Variants in ALG14 observed in about 807,000 individuals in gnomAD.
ALG14 encodes the protein UDP-N-acetylglucosamine transferase subunit ALG14.
A neutral mutation model predicts 22.8 loss-of-function variants in ALG14; 17 were observed. That is an observed-to-expected ratio of 0.75 (90% CI 0.51 to 1.12). The LOEUF (loss-of-function observed/expected upper bound fraction) is 1.12, where lower values mean the gene tolerates loss of function less well. ALG14 is among the 50% of genes most tolerant of loss of function. The probability of loss-of-function intolerance (pLI) is 0.00; values close to 1 mark genes in which losing one functional copy is unlikely to be tolerated. For missense variants in ALG14, 288 were observed against 271.8 expected, an observed-to-expected ratio of 1.06 and a Z score of -0.42; for synonymous variants, 89 against 103.7, an observed-to-expected ratio of 0.86 and a Z score of 0.86.
intron 1 of ALG14, among the ~76,000 whole-genome samples, chr1:95,068,382 G>A (rs911849329): frequency 6.6e-6 from 1 of 152,114 alleles, no homozygotes; most frequent in Non-Finnish European, 1.5e-5. Flanking sequence ...TGCCTCCTGG[G>A]TTCAAGCGAT....
chr1:95,038,253 C>T (rs555726050), intron 2 of ALG14, among the ~76,000 whole-genome samples: 22 of 152,188 alleles, frequency 1.4e-4, no homozygotes, highest in Admixed American at 9.2e-4. Context: ...TTTGGGAGGC[C>T]GAGGTGTTTG....
At chr1:95,021,629 G>GA (rs1673665395) in intron 3 of ALG14, among the ~76,000 whole-genome samples, 1 of 152,136 alleles carries the variant, frequency 6.6e-6, no homozygotes, top group Non-Finnish European at 1.5e-5. Flanking sequence ...AATAAGCACT[G>GA]AAAGTCTGTG....
chr1:95,026,591 C>T (rs925056716), intron 3 of ALG14, among the ~76,000 whole-genome samples: 12 of 151,890 alleles, frequency 7.9e-5, no homozygotes, highest in African/African-American at 2.7e-4. Context: ...TATGTAAGCA[C>T]GATTCACACT....
At chr1:95,055,729 A>C (rs909635791) in intron 2 of ALG14, among the ~76,000 whole-genome samples, 1 of 149,238 alleles carries the variant, frequency 6.7e-6, no homozygotes, top group Non-Finnish European at 1.5e-5. Context: ...GTGGTGGCTC[A>C]CACCTGTAAT....
At chr1:95,028,437 G>T (rs1673893788) in intron 2 of ALG14, among the ~76,000 whole-genome samples, 1 of 152,130 alleles carries the variant, frequency 6.6e-6, no homozygotes, top group Non-Finnish European at 1.5e-5. Flanking sequence ...GGGCTCAAGT[G>T]ATCTACCCAC....
At chr1:95,003,943 T>A (rs772895953) in intron 3 of ALG14, among the ~76,000 whole-genome samples, 2 of 152,230 alleles carry the variant, frequency 1.3e-5, no homozygotes, top group Non-Finnish European at 2.9e-5. Context: ...TCATTCAAAG[T>A]CAGCTAGTAA....
At chr1:95,008,641 T>C (rs531667134) in intron 3 of ALG14, among the ~76,000 whole-genome samples, 1 of 152,246 alleles carries the variant, frequency 6.6e-6, no homozygotes, top group South Asian at 2.1e-4. Context: ...AGAGCTATGG[T>C]TGTATAAGGA....
chr1:95,072,833 TA>T lies in ALG14; in HGVS notation c.65del (p.Ile22AsnfsTer3). The T allele has an allele frequency of 6.2e-7, 1 of 1,614,032 alleles. No individual in the cohort carries two copies. Among genetic ancestry groups the T allele is most frequent in the Non-Finnish European group, 8.5e-7 (1 of 1,180,012 alleles). ...CGTCCATGGAACGAAGCACTACCCATATTCGCAGGATTAGGAAAACCGCCAC... is the reference window on the plus strand; with the variant it reads ...CGTCCATGGAACGAAGCACTACCCATTTCGCAGGATTAGGAAAACCGCCAC... ...GAVAVFLILR[I>X]WVVLRSMDVT... On this transcript the variant is annotated frameshift_variant, in exon 1 of 4. Coordinates refer to ENST00000370205, the MANE Select transcript of ALG14 (RefSeq NM_144988.4). LOFTEE classifies it high-confidence loss of function.
At chr1:95,055,440 A>G (rs1571662420) in intron 2 of ALG14, among the ~76,000 whole-genome samples, 1 of 152,248 alleles carries the variant, frequency 6.6e-6, no homozygotes, top group Non-Finnish European at 1.5e-5. Context: ...AAAACAATAC[A>G]AGACACTTAG....
chr1:94,989,335 G>A (rs1306854020), intron 3 of ALG14, among the ~76,000 whole-genome samples: 2 of 152,208 alleles, frequency 1.3e-5, no homozygotes, highest in African/African-American at 4.8e-5. Flanking sequence ...GATCAGGAAT[G>A]GACCATGTGG....
rs955691169 is a variant in ALG14, at chr1:94,982,988, T to C, written c.*88A>G. ...AATTCTCAGGACTGTCAGACGCCTT[T>C]ACAAGAAACATGTAGGGTTTTTTTC... is the stretch of plus-strand genomic sequence containing the variant. On this transcript the variant is annotated 3_prime_UTR_variant, in exon 4 of 4. Transcript: ENST00000370205. 4 of 1,132,252 alleles carry C rather than the reference T, an allele frequency of 3.5e-6. No individual in the cohort carries two copies. In the Admixed American group the frequency reaches 7.7e-5, roughly 22 times the overall value. The allele number at this position is 1,132,252 out of a possible 1,614,324, so 70.1% of individuals were successfully genotyped here. A position where few individuals can be genotyped will look rare whatever the true frequency, so the allele number is the denominator to read the frequency against.
intron 1 of ALG14, among the ~76,000 whole-genome samples, chr1:95,068,461 G>C (rs1325435467): frequency 6.6e-6 from 1 of 151,892 alleles, no homozygotes; most frequent in African/African-American, 2.4e-5. Flanking sequence ...TAATTTTTTT[G>C]TATTTTTTAG....
intron 3 of ALG14, among the ~76,000 whole-genome samples, chr1:95,018,913 G>GT (rs1673580331): frequency 6.6e-6 from 1 of 152,214 alleles, no homozygotes; most frequent in African/African-American, 2.4e-5. Flanking sequence ...ACTGTACTGT[G>GT]TAAGTAAATC....
intron 3 of ALG14, among the ~76,000 whole-genome samples, chr1:95,009,521 C>T (rs900115222): frequency 3.3e-5 from 5 of 151,968 alleles, no homozygotes; most frequent in Admixed American, 1.3e-4. Flanking sequence ...TTGACAAACA[C>T]AAAATACACT....
At position 94,976,285 on chromosome 1, in the gene ALG14, T is replaced by TA. The variant is rs1405275690; in HGVS notation, c.*6790dup. 7.2e-5 allele frequency: 11 copies of TA among 152,014 alleles called. No individual in the cohort carries two copies. The highest frequency in any genetic ancestry group is 1.6e-4 in the Non-Finnish European group (11 of 67,994). The allele number at this position is 152,014 out of a possible 1,614,324, so 9.4% of individuals were successfully genotyped here. On this transcript the variant is annotated 3_prime_UTR_variant, in exon 4 of 4. Coordinates refer to ENST00000370205, the MANE Select transcript of ALG14 (RefSeq NM_144988.4). ...TGGATTTCCCATATTAAAAAAAAAT[T>TA]AGAGAACTTGGATACTAAGGTAGGA...
At position 94,978,680 on chromosome 1, in the gene ALG14, G is replaced by A. The variant is rs1467692538; in HGVS notation, c.*4396C>T. The A allele has an allele frequency of 1.3e-5, 2 of 152,054 alleles. No individual in the cohort carries two copies. Among genetic ancestry groups the A allele is most frequent in the African/African-American group, 2.4e-5 (1 of 41,388 alleles). 9.4% of individuals were successfully genotyped at this position (152,054 alleles called of 1,614,324 possible). A position where few individuals can be genotyped will look rare whatever the true frequency, so the allele number is the denominator to read the frequency against. Reference sequence around the variant, plus strand: ...CTAAGTTGGGAGTGAAGTAGAAGGAGGACAAATATTTAAGGCATTATCCTT... The same window carrying A: ...CTAAGTTGGGAGTGAAGTAGAAGGAAGACAAATATTTAAGGCATTATCCTT... On this transcript the variant is annotated 3_prime_UTR_variant, in exon 4 of 4. Transcript: ENST00000370205.
chr1:95,044,979 A>T (rs1329542814), intron 2 of ALG14, among the ~76,000 whole-genome samples: 2 of 152,118 alleles, frequency 1.3e-5, no homozygotes, highest in Non-Finnish European at 2.9e-5. Context: ...ATGCTTCTGT[A>T]TTTATTTTTA....
intron 2 of ALG14, among the ~76,000 whole-genome samples, chr1:95,043,723 G>C (rs1237762915): frequency 2.6e-5 from 4 of 152,050 alleles, no homozygotes; most frequent in African/African-American, 7.2e-5. Flanking sequence ...GGAGAGGAAA[G>C]AGGAAGGTAG....
chr1:95,004,936 G>T (rs1673175643), intron 3 of ALG14, among the ~76,000 whole-genome samples: 1 of 152,108 alleles, frequency 6.6e-6, no homozygotes, highest in African/African-American at 2.4e-5. Context: ...CTCCTGAGTA[G>T]CTGGGATTAC....
Sources: allele counts gnomAD v4.1 joint callset (sites outside exome capture counted in the v4.1 genomes callset), GRCh38; gene constraint gnomAD v4.1.1; transcripts MANE v1.5; gene names NCBI Gene and HGNC (gene_info 2026-07-23, HGNC 2026-07-21).